GALK2: variants seen among roughly 807,000 people sequenced by gnomAD.
GALK2 encodes galactokinase 2, also known as N-acetylgalactosamine kinase.
A neutral mutation model predicts 52.4 loss-of-function variants in GALK2; 36 were observed. The ratio of observed to expected loss-of-function variants is 0.69; its 90% CI spans 0.53 to 0.91. The LOEUF is 0.91. GALK2 is among the 40% of genes least tolerant of loss of function. GALK2 has a pLI of 0.00. For synonymous variants in GALK2, 176 were observed against 199.1 expected (o/e 0.88, Z 0.98); for missense variants, 579 against 559.1 (o/e 1.04, Z -0.36).
chr15:49,156,529 T>C, intron 1 of GALK2: 1 of 511,764 alleles, frequency 2.0e-6, no homozygotes, highest in Non-Finnish European at 3.8e-6. Context: ...AATATGTGTG[T>C]GTTGATTCCA....
At chr15:49,172,580 C>G in intron 1 of GALK2, among the ~76,000 whole-genome samples, 1 of 152,156 alleles carries the variant, frequency 6.6e-6, no homozygotes, top group Non-Finnish European at 1.5e-5. Flanking sequence ...TCTTGTGGAA[C>G]TCTTATTCTT....
intron 4 of GALK2, among the ~76,000 whole-genome samples, chr15:49,236,851 A>G (rs1468079614): frequency 1.3e-5 from 2 of 152,212 alleles, no homozygotes; most frequent in Non-Finnish European, 2.9e-5. Flanking sequence ...TGGCACATCC[A>G]TTACAGAAAT....
At chr15:49,366,961 C>T (rs1398287107) in intron 3 of GALK2, among the ~76,000 whole-genome samples, 1 of 152,156 alleles carries the variant, frequency 6.6e-6, no homozygotes, top group Non-Finnish European at 1.5e-5. Context: ...ACCCCTGCTT[C>T]AACCAAAGAG....
chr15:49,358,167 A>G lies in GALK2; in HGVS notation c.427-9324A>G, dbSNP rs530421013. On this transcript the variant is annotated intron_variant, in intron 3 of 3. Transcript: ENST00000558399. Reference sequence around the variant, plus strand: ...GCAAAAACTGGAAGCATTCCCTTTGAAAAGTGGCACAAGACAGGGATGCCC... The same window carrying G: ...GCAAAAACTGGAAGCATTCCCTTTGGAAAGTGGCACAAGACAGGGATGCCC... 2.5e-3 allele frequency among the ~76,000 whole-genome samples: 374 copies of G among 151,876 alleles called. 4 individuals are homozygous for G. Among genetic ancestry groups the G allele is most frequent in the African/African-American group, 8.5e-3 (351 of 41,330 alleles).
intron 9 of GALK2, chr15:49,326,860 C>G (rs1039160342): frequency 6.6e-6 from 1 of 151,910 alleles, no homozygotes; most frequent in African/African-American, 2.4e-5. Context: ...AAATCAATTA[C>G]TGACATGCAG....
intron 8 of GALK2, among the ~76,000 whole-genome samples, chr15:49,299,789 T>A (rs2034931287): frequency 6.8e-6 from 1 of 146,474 alleles, no homozygotes; most frequent in African/African-American, 2.6e-5. Flanking sequence ...CTTTCTTTCT[T>A]TCTTTCGTGC....
chr15:49,334,347 G>T, downstream of GALK2: 1 of 531,902 alleles, frequency 1.9e-6, no homozygotes, highest in Non-Finnish European at 2.4e-6. Flanking sequence ...ATTACTAATT[G>T]GGAAAGAATA....
Position 49,328,430 on chromosome 15 carries a change from A to G in GALK2, c.*271A>G. The G allele has an allele frequency of 6.9e-7, 1 of 1,444,832 alleles. No homozygotes were observed. The highest frequency in any genetic ancestry group is 9.1e-7 in the Non-Finnish European group (1 of 1,100,576). 89.5% of individuals were successfully genotyped at this position (1,444,832 alleles called of 1,614,324 possible). A position where few individuals can be genotyped will look rare whatever the true frequency, so the allele number is the denominator to read the frequency against. ...CTTACTGAGATTTATTGATTTGAAGATTTTAAAGATGAATGGTAAAACACA... is the reference window on the plus strand; with the variant it reads ...CTTACTGAGATTTATTGATTTGAAGGTTTTAAAGATGAATGGTAAAACACA... On this transcript the variant is annotated 3_prime_UTR_variant, in exon 10 of 10. Transcript: ENST00000560031.
intron 1 of GALK2, among the ~76,000 whole-genome samples, chr15:49,197,534 A>G (rs1177063190): frequency 6.6e-6 from 1 of 152,168 alleles, no homozygotes; most frequent in Non-Finnish European, 1.5e-5. Flanking sequence ...CATGAAATTT[A>G]TTTGTTTCAT....
chr15:49,223,098 C>G (rs541938757), intron 3 of GALK2: 7 of 152,008 alleles, frequency 4.6e-5, no homozygotes, highest in Admixed American at 4.6e-4. Flanking sequence ...TTGTTTCTTC[C>G]TGATTTAATC....
intron 5 of GALK2, among the ~76,000 whole-genome samples, chr15:49,268,960 G>GT (rs2029914410): frequency 6.6e-6 from 1 of 152,026 alleles, no homozygotes; most frequent in Non-Finnish European, 1.5e-5. Context: ...CTGCAATATT[G>GT]TTTCTATTTT....
At chr15:49,239,406 C>T (rs200250817) in intron 5 of GALK2, 39 bp downstream of exon 5, 273 of 1,581,822 alleles carry the variant, frequency 1.7e-4, no homozygotes, top group Middle Eastern at 1.7e-4. Flanking sequence ...GAACCCTCTC[C>T]TAATAATCAT....
intron 5 of GALK2, among the ~76,000 whole-genome samples, chr15:49,241,822 G>A (rs2091110525): frequency 6.6e-6 from 1 of 152,162 alleles, no homozygotes; most frequent in African/African-American, 2.4e-5. Flanking sequence ...AAGATAAAGA[G>A]AAACACTTGA....
intron 8 of GALK2, among the ~76,000 whole-genome samples, chr15:49,306,517 G>C (rs1252414289): frequency 6.6e-6 from 1 of 152,036 alleles, no homozygotes; most frequent in East Asian, 1.9e-4. Flanking sequence ...TCACAGGTAA[G>C]CACTAATTTT....
intron 3 of GALK2, among the ~76,000 whole-genome samples, chr15:49,342,352 G>A (rs1350052834): frequency 6.6e-6 from 1 of 152,056 alleles, no homozygotes; most frequent in African/African-American, 2.4e-5. Flanking sequence ...AGTGACTCCT[G>A]CTCTTTTTTG....
chr15:49,187,550 G>C (rs1206263380), intron 1 of GALK2, among the ~76,000 whole-genome samples: 1 of 152,184 alleles, frequency 6.6e-6, no homozygotes, highest in Non-Finnish European at 1.5e-5. Context: ...GTCCAGAAAT[G>C]CTGTCTAGGA....
intron 3 of GALK2, among the ~76,000 whole-genome samples, chr15:49,348,570 C>A (rs183820340): frequency 6.6e-6 from 1 of 152,262 alleles, no homozygotes; most frequent in African/African-American, 2.4e-5. Flanking sequence ...CAGAATCACT[C>A]GGAGCCAGAG....
chr15:49,280,486 G>T (rs935780639), intron 5 of GALK2, among the ~76,000 whole-genome samples: 2 of 152,134 alleles, frequency 1.3e-5, no homozygotes, highest in African/African-American at 4.8e-5. Flanking sequence ...TGGAGCTTAG[G>T]ATTTACAGGA....
chr15:49,319,145 G>A (rs555366174), intron 8 of GALK2: 1 of 358,724 alleles, frequency 2.8e-6, no homozygotes, highest in Non-Finnish European at 5.4e-6. Context: ...GTAGAGATGG[G>A]TTTTCACCAT....
Sources: allele counts gnomAD v4.1 joint callset (sites outside exome capture counted in the v4.1 genomes callset), GRCh38; gene constraint gnomAD v4.1.1; transcripts MANE v1.5; gene names NCBI Gene and HGNC (gene_info 2026-07-23, HGNC 2026-07-21).